The following LYSMD2 variants were observed in gnomAD, a reference collection of about 807,000 sequenced individuals.
The protein encoded by LYSMD2 is LysM domain containing 2.
In LYSMD2, 6 loss-of-function variants were observed where a neutral mutation model predicts 17.7. The ratio of observed to expected loss-of-function variants is 0.34; its 90% CI spans 0.19 to 0.67. The LOEUF is 0.67. Ranked by LOEUF, LYSMD2 falls within the 30% of genes least tolerant of loss-of-function variation. The probability of loss-of-function intolerance (pLI) is 0.69; values close to 1 mark genes in which losing one functional copy is unlikely to be tolerated. For synonymous variants in LYSMD2, 102 were observed against 129.8 expected (o/e 0.79, Z 1.45); for missense variants, 237 against 286.7 (o/e 0.83, Z 1.25).
intron 1 of LYSMD2, among the ~76,000 whole-genome samples, chr15:51,728,816 G>A (rs2055557429): frequency 6.6e-6 from 1 of 151,650 alleles, no homozygotes; most frequent in Admixed American, 6.6e-5. Context: ...GTTGCAGTAA[G>A]CCGAGATTGT....
At chr15:51,747,563 T>C (rs951617705) in intron 1 of LYSMD2, among the ~76,000 whole-genome samples, 1 of 152,258 alleles carries the variant, frequency 6.6e-6, no homozygotes, top group African/African-American at 2.4e-5. Flanking sequence ...TTTTCCCTAA[T>C]TGTCTCATTA....
At position 51,737,602 on chromosome 15, in the gene LYSMD2, T is replaced by G. The variant is rs1303289213; in HGVS notation, c.21A>C (p.Ala7=). The part of the protein sequence containing the change: MADSSP[A]LSLREGGPRA... ...GGGGGCCGCCTTCCCGCAGGGACAG[T>G]GCGGGCGAGGAATCCGCCATGGGTC... is the stretch of plus-strand genomic sequence containing the variant. The change falls in exon 1 of 3, where the codon GCA becomes GCC. Residue 7 remains alanine, a synonymous_variant. Transcript: ENST00000267838. The surrounding 1 kb of genome is among the most constrained non-coding windows in gnomAD (Gnocchi z 4.2). 1.7e-6 allele frequency: 2 copies of G among 1,211,314 alleles called. No homozygotes were observed. The highest frequency in any genetic ancestry group is 3.2e-5 in the African/African-American group (2 of 63,194). The allele number at this position is 1,211,314 out of a possible 1,614,324, so 75.0% of individuals were successfully genotyped here. A position where few individuals can be genotyped will look rare whatever the true frequency, so the allele number is the denominator to read the frequency against.
In LYSMD2 at chr15:51,724,950, G is replaced by GCTC. The variant is rs772924427; in HGVS notation, c.442_444dup (p.Glu148dup). On this transcript the variant is annotated inframe_insertion, in exon 2 of 3. Coordinates refer to ENST00000267838, the MANE Select transcript of LYSMD2 (RefSeq NM_153374.3). ...GGGAGGTCTTCCCCGGCCACCACTGGCTCCTCTTCCTGAGAAAAACTGTTA... is the reference window on the plus strand; with the variant it reads ...GGGAGGTCTTCCCCGGCCACCACTGGCTCCTCCTCTTCCTGAGAAAAACTGTTA... 1 of 1,614,096 alleles carries GCTC rather than the reference G, an allele frequency of 6.2e-7. No homozygotes were observed. The highest frequency in any genetic ancestry group is 8.5e-7 in the Non-Finnish European group (1 of 1,179,990).
chr15:51,738,489 G>T (rs1316962280), upstream of LYSMD2, among the ~76,000 whole-genome samples: 2 of 151,992 alleles, frequency 1.3e-5, no homozygotes, highest in Admixed American at 1.3e-4. Flanking sequence ...TCCCTGCCCC[G>T]TATTGCTATT....
chr15:51,750,172 G>A (rs907905487), intron 1 of LYSMD2, among the ~76,000 whole-genome samples: 11 of 152,212 alleles, frequency 7.2e-5, no homozygotes, highest in African/African-American at 2.7e-4. Context: ...CCTTGAATAA[G>A]TCACATCACC....
intron 1 of LYSMD2, among the ~76,000 whole-genome samples, chr15:51,726,262 C>A (rs996236280): frequency 1.3e-5 from 2 of 152,156 alleles, no homozygotes; most frequent in Non-Finnish European, 2.9e-5. Context: ...AAATTAAAAT[C>A]TAAAAACCCC....
intron 1 of LYSMD2, among the ~76,000 whole-genome samples, chr15:51,728,869 CAAA>C (rs35471211): frequency 1.4e-5 from 2 of 138,604 alleles, no homozygotes; most frequent in Non-Finnish European, 3.1e-5. Context: ...GACTCCATCT[CAAA>C]AAAAAAAAAA....
upstream of LYSMD2, among the ~76,000 whole-genome samples, chr15:51,739,045 C>A (rs188717990): frequency 2.0e-5 from 3 of 152,324 alleles, no homozygotes; most frequent in East Asian, 5.8e-4. Context: ...CCCTCTATTA[C>A]ATTGTTTAAA....
At position 51,723,374 on chromosome 15, in the gene LYSMD2, T is replaced by C; in HGVS notation, c.*233A>G. 1 of 401,236 alleles carries C rather than the reference T, an allele frequency of 2.5e-6. No homozygotes were observed. Among genetic ancestry groups the C allele is most frequent in the Admixed American group, 4.2e-5 (1 of 24,024 alleles). 24.9% of individuals were successfully genotyped at this position (401,236 alleles called of 1,614,324 possible). A position where few individuals can be genotyped will look rare whatever the true frequency, so the allele number is the denominator to read the frequency against. ...TAAAAACTAACACCACCTACAAAAG[T>C]GATGAGCTTTAGGCTACAACCTTGC... On this transcript the variant is annotated 3_prime_UTR_variant, in exon 3 of 3. Transcript: ENST00000267838.
chr15:51,724,268 A>C (rs2055521601), intron 2 of LYSMD2, among the ~76,000 whole-genome samples: 2 of 152,202 alleles, frequency 1.3e-5, no homozygotes, highest in African/African-American at 4.8e-5. Flanking sequence ...CAAAGAAAAA[A>C]GTTCACATGA....
At chr15:51,725,168 G>T in intron 1 of LYSMD2, 47 bp from the exon 2 acceptor site, 1 of 1,197,878 alleles carries the variant, frequency 8.3e-7, no homozygotes, top group Non-Finnish European at 1.2e-6. Flanking sequence ...ACCAAGTCAA[G>T]GAGTAAGATT....
chr15:51,741,478 C>T (rs998598107), upstream of LYSMD2, among the ~76,000 whole-genome samples: 8 of 152,214 alleles, frequency 5.3e-5, no homozygotes, highest in Non-Finnish European at 7.3e-5. Context: ...ATATAATTCA[C>T]ACATCACATA....
At chr15:51,734,097 A>T (rs2055593880) in intron 1 of LYSMD2, among the ~76,000 whole-genome samples, 1 of 152,004 alleles carries the variant, frequency 6.6e-6, no homozygotes, top group African/African-American at 2.4e-5. Flanking sequence ...GCAGGAGAAT[A>T]GCTTGAACCC....
intron 1 of LYSMD2, among the ~76,000 whole-genome samples, chr15:51,733,880 T>C (rs555994859): frequency 2.6e-5 from 4 of 152,204 alleles, no homozygotes; most frequent in African/African-American, 9.6e-5. Context: ...AAAGCAGCCA[T>C]GCTTGTTAAA....
intron 1 of LYSMD2, among the ~76,000 whole-genome samples, chr15:51,742,812 C>T (rs182559854): frequency 6.4e-4 from 97 of 152,120 alleles, no homozygotes; most frequent in Middle Eastern, 3.4e-3. Flanking sequence ...AATAGAAAGA[C>T]GTAGCCAGTT....
intron 1 of LYSMD2, among the ~76,000 whole-genome samples, chr15:51,746,135 C>G (rs1285655596): frequency 6.6e-6 from 1 of 152,016 alleles, no homozygotes; most frequent in African/African-American, 2.4e-5. Flanking sequence ...TATATCTGTA[C>G]AAAAATTTGT....
In LYSMD2 at chr15:51,723,652, G is replaced by A; in HGVS notation, c.606-3C>T. 6.3e-7 allele frequency: 1 copy of A among 1,596,262 alleles called. No individual in the cohort carries two copies. Among genetic ancestry groups the A allele is most frequent in the Non-Finnish European group, 8.5e-7 (1 of 1,171,566 alleles). On this transcript the variant is annotated splice_polypyrimidine_tract_variant and splice_region_variant and intron_variant, in intron 2 of 2. Transcript: ENST00000267838. ...TTGCATAGGGACTTTCTTCATCTCT[G>A]AAAGAAAATAAATACAGCATAAATC...
intron 1 of LYSMD2, among the ~76,000 whole-genome samples, chr15:51,733,956 G>A (rs533503991): frequency 2.4e-4 from 37 of 152,284 alleles, no homozygotes; most frequent in African/African-American, 8.4e-4. Flanking sequence ...AGGCCAAGGT[G>A]GGCAGATCAT....
intron 1 of LYSMD2, among the ~76,000 whole-genome samples, chr15:51,744,238 T>C (rs537141277): frequency 6.6e-6 from 1 of 152,286 alleles, no homozygotes; most frequent in African/African-American, 2.4e-5. Flanking sequence ...GAAAAGCATC[T>C]AGCTTCTCAC....
Sources: gnomAD v4.1 joint callset for allele counts (sites outside exome capture counted in the v4.1 genomes callset) on GRCh38, gnomAD v4.1.1 for gene constraint, Gnocchi (gnomAD v3.1) non-coding constraint, MANE v1.5 for transcripts, NCBI Gene and HGNC (gene_info 2026-07-23, HGNC 2026-07-21) for gene names.